Variants in ADCY8 observed in about 807,000 individuals in gnomAD.
ADCY8 encodes adenylate cyclase type 8.
Under a neutral mutation model 119.7 loss-of-function variants are expected in ADCY8, and 51 were observed. That is an observed-to-expected ratio of 0.43 (90% CI 0.34 to 0.54). The LOEUF (loss-of-function observed/expected upper bound fraction) is 0.54. ADCY8 is among the 20% of genes least tolerant of loss of function. The pLI, the probability that ADCY8 is intolerant of heterozygous loss-of-function variation, is 0.03. For missense variants in ADCY8, 1,383 were observed against 1,598.8 expected (o/e 0.87, Z 2.30); for synonymous variants, 665 against 651.0 (o/e 1.02, Z -0.33).
chr8:130,863,590 T>C (rs1160521455), intron 9 of ADCY8, among the ~76,000 whole-genome samples: 1 of 152,170 alleles, frequency 6.6e-6, no homozygotes, highest in Non-Finnish European at 1.5e-5. Context: ...TTTTATATGA[T>C]TTAATTTTAT....
rs112235708 is a variant in ADCY8 at position 131,040,679 on chromosome 8, T to C, written c.-346A>G. 2.6e-3 allele frequency: 521 copies of C among 198,196 alleles called. 1 individual carries two copies. Among genetic ancestry groups the C allele is most frequent in the African/African-American group, 0.012 (505 of 43,492 alleles). The allele number at this position is 198,196 out of a possible 1,614,324, so 12.3% of individuals were successfully genotyped here. ...TGGGCTCAGGCTCCTTGGTTGATTC[T>C]AGGCTCAGCGTTTTGGCGCAGCCTT... On this transcript the variant is annotated 5_prime_UTR_variant, in exon 1 of 18. Coordinates refer to ENST00000286355, the MANE Select transcript of ADCY8 (RefSeq NM_001115.3).
rs925478917 is a variant in ADCY8 at position 131,040,214 on chromosome 8, C to A, written c.120G>T (p.Thr40=). The part of the protein sequence containing the change: ...ASRPQRLLWQ[T]AVRHITEQRF... Reference sequence around the variant, plus strand: ...GCTGCTCCGTGATGTGTCGCACCGCCGTCTGCCACAGCAGCCGCTGCGGCC... The same window carrying A: ...GCTGCTCCGTGATGTGTCGCACCGCAGTCTGCCACAGCAGCCGCTGCGGCC... Residue 40 remains threonine, a synonymous_variant, in exon 1 of 18, where the codon ACG becomes ACT. Coordinates refer to ENST00000286355, the MANE Select transcript of ADCY8 (RefSeq NM_001115.3). 1 of 1,538,190 alleles carries A rather than the reference C, an allele frequency of 6.5e-7. No individual in the cohort carries two copies. The highest frequency in any genetic ancestry group is 1.9e-5 in the Admixed American group (1 of 51,312).
intron 1 of ADCY8, among the ~76,000 whole-genome samples, chr8:130,995,082 G>A (rs913774628): frequency 3.9e-5 from 6 of 152,304 alleles, no homozygotes; most frequent in Non-Finnish European, 7.4e-5. Context: ...TTGGTGAAAT[G>A]TGTGAATCTG....
intron 6 of ADCY8, among the ~76,000 whole-genome samples, chr8:130,906,553 T>A (rs1268351443): frequency 1.3e-5 from 2 of 152,188 alleles, no homozygotes; most frequent in African/African-American, 4.8e-5. Context: ...AATGTTTTGG[T>A]AGAAACTGGG....
At chr8:130,961,980 A>C (rs1821619679) in intron 2 of ADCY8, among the ~76,000 whole-genome samples, 2 of 152,204 alleles carry the variant, frequency 1.3e-5, no homozygotes, top group African/African-American at 2.4e-5. Context: ...GTCTCTAAAA[A>C]GAAAACAACA....
Position 131,039,825 on chromosome 8 carries a change from T to C in ADCY8, c.509A>G (p.Tyr170Cys). The stretch of plus-strand genomic sequence containing the variant: ...CCTTTGGCCCAAGAAATAGCGCTGG[T>C]AGAGGCGTTCCAAATCCCGAGATTT... ...SFKSRDLERL[Y>C]QRYFLGQRRK... is the part of the protein sequence containing the mutation. Residue 170 changes from tyrosine to cysteine, a missense_variant, in exon 1 of 18, where the codon TAC becomes TGC. Tyr to Cys is a radical substitution (Grantham distance 194). Around this residue, in one of 2 missense-constraint regions of ADCY8, gnomAD observed 455 missense variants for 435.3 expected, o/e 1.05. Transcript: ENST00000286355. 1.2e-6 allele frequency: 2 copies of C among 1,614,146 alleles called. No individual in the cohort carries two copies. Among genetic ancestry groups the C allele is most frequent in the South Asian group, 1.1e-5 (1 of 91,078 alleles).
chr8:131,017,897 C>T (rs555923532), intron 1 of ADCY8, among the ~76,000 whole-genome samples: 2 of 152,062 alleles, frequency 1.3e-5, no homozygotes, highest in South Asian at 4.2e-4. Context: ...GTTAAGAAAC[C>T]TTTCGGACCC....
At chr8:131,003,879 T>C (rs370850217) in intron 1 of ADCY8, among the ~76,000 whole-genome samples, 3 of 149,840 alleles carry the variant, frequency 2.0e-5, no homozygotes, top group Non-Finnish European at 4.4e-5. Flanking sequence ...AAGGAGGAGG[T>C]GGAGGAGGAG....
intron 11 of ADCY8, among the ~76,000 whole-genome samples, chr8:130,846,112 C>G (rs2130298065): frequency 6.6e-6 from 1 of 152,182 alleles, no homozygotes. Context: ...ATTCTTAGGC[C>G]TAGAAGAGAC....
At chr8:130,828,047 A>T (rs1042941032) in intron 12 of ADCY8, among the ~76,000 whole-genome samples, 3 of 152,104 alleles carry the variant, frequency 2.0e-5, no homozygotes, top group Non-Finnish European at 4.4e-5. Flanking sequence ...TTCTGGAGCA[A>T]CTGAGGATTT....
intron 2 of ADCY8, among the ~76,000 whole-genome samples, chr8:130,964,564 T>G (rs1033449298): frequency 5.3e-5 from 8 of 152,212 alleles, no homozygotes; most frequent in African/African-American, 1.7e-4. Context: ...GACACTAAAT[T>G]AGATGTCGGC....
intron 14 of ADCY8, among the ~76,000 whole-genome samples, chr8:130,807,189 A>G (rs1815991728): frequency 6.6e-6 from 1 of 152,152 alleles, no homozygotes; most frequent in Admixed American, 6.5e-5. Context: ...TGCCTGGGGA[A>G]CTATAGTCTG....
intron 5 of ADCY8, among the ~76,000 whole-genome samples, chr8:130,930,683 C>T (rs1335666968): frequency 6.6e-6 from 1 of 152,146 alleles, no homozygotes; most frequent in Non-Finnish European, 1.5e-5. Context: ...CACACACACA[C>T]CCTACTGTAT....
intron 12 of ADCY8, among the ~76,000 whole-genome samples, chr8:130,826,133 C>T (rs182870143): frequency 1.2e-4 from 18 of 152,282 alleles, no homozygotes; most frequent in Non-Finnish European, 2.4e-4. Context: ...CTGGCTTTGT[C>T]ATATACTAGT....
chr8:130,962,550 T>G (rs994819673), intron 2 of ADCY8, among the ~76,000 whole-genome samples: 1 of 152,206 alleles, frequency 6.6e-6, no homozygotes, highest in African/African-American at 2.4e-5. Context: ...TAACATACTC[T>G]ATTCAAGTCG....
intron 17 of ADCY8, among the ~76,000 whole-genome samples, chr8:130,781,247 A>AT (rs1815070618): frequency 1.3e-5 from 2 of 152,276 alleles, no homozygotes; most frequent in South Asian, 4.1e-4. Flanking sequence ...AGAAGTCAGG[A>AT]CCCTAGGATC....
intron 8 of ADCY8, among the ~76,000 whole-genome samples, chr8:130,881,848 A>ATT (rs35121882): frequency 3.4e-5 from 5 of 145,170 alleles, no homozygotes; most frequent in Admixed American, 1.4e-4. Context: ...TTCTCTGATA[A>ATT]TTTTTTTTTT....
intron 12 of ADCY8, among the ~76,000 whole-genome samples, chr8:130,832,479 G>A (rs974786813): frequency 6.6e-5 from 10 of 152,154 alleles, no homozygotes; most frequent in Admixed American, 2.0e-4. Flanking sequence ...TCCAAACAGC[G>A]TGAGTAGCCT....
intron 8 of ADCY8, among the ~76,000 whole-genome samples, chr8:130,871,690 G>A (rs146154485): frequency 2.2e-4 from 34 of 152,140 alleles, no homozygotes; most frequent in Non-Finnish European, 4.7e-4. Context: ...TGCACTCAGC[G>A]GTGACCCCAA....
Sources: gnomAD v4.1 joint callset for allele counts (sites outside exome capture counted in the v4.1 genomes callset) on GRCh38, gnomAD v4.1.1 for gene constraint, gnomAD v4.1.1 regional missense constraint, MANE v1.5 for transcripts, NCBI Gene and HGNC (gene_info 2026-07-23, HGNC 2026-07-21) for gene names.